LHFPL3: variants seen among roughly 807,000 people sequenced by gnomAD.
LHFPL3 encodes the protein LHFPL tetraspan subfamily member 3, also known as LHFPL tetraspan subfamily member 3 protein.
Under a neutral mutation model 19.3 loss-of-function variants are expected in LHFPL3, and 5 were observed. The ratio of observed to expected loss-of-function variants is 0.26; its 90% CI spans 0.14 to 0.54. LHFPL3 has a LOEUF of 0.54. LHFPL3 is among the 20% of genes least tolerant of loss of function. The pLI, the probability that LHFPL3 is intolerant of heterozygous loss-of-function variation, is 0.94. For missense variants in LHFPL3, 249 were observed against 307.4 expected, an observed-to-expected ratio of 0.81 and a Z score of 1.42; for synonymous variants, 133 against 126.2, an observed-to-expected ratio of 1.05 and a Z score of -0.36.
intron 1 of LHFPL3, among the ~76,000 whole-genome samples, chr7:104,508,195 A>C (rs1479650862): frequency 6.6e-6 from 1 of 152,138 alleles, no homozygotes; most frequent in Non-Finnish European, 1.5e-5. Flanking sequence ...GATCGCAAAC[A>C]CTTGGAACCA....
At chr7:104,714,615 G>A (rs1385347662) in intron 1 of LHFPL3, among the ~76,000 whole-genome samples, 1 of 152,094 alleles carries the variant, frequency 6.6e-6, no homozygotes. Flanking sequence ...GAGGGGATTG[G>A]AGGGAGGAAA....
intron 2 of LHFPL3, among the ~76,000 whole-genome samples, chr7:104,792,267 C>G (rs1790037353): frequency 6.6e-6 from 1 of 152,136 alleles, no homozygotes; most frequent in Admixed American, 6.5e-5. Flanking sequence ...TCCTCGTTAG[C>G]TAGAATGTTG....
intron 1 of LHFPL3, among the ~76,000 whole-genome samples, chr7:104,493,551 T>C (rs1202840621): frequency 6.6e-6 from 1 of 152,078 alleles, no homozygotes; most frequent in Non-Finnish European, 1.5e-5. Context: ...CATTCCCCAC[T>C]TATGTCAGCC....
At chr7:104,469,967 G>A (rs10216054) in intron 1 of LHFPL3, 28,875 of 455,760 alleles carry the variant, frequency 0.063, 1,728 homozygotes, top group East Asian at 0.18. Context: ...ACGGAAATAG[G>A]TGGTTGCGCT....
At chr7:104,534,713 C>T (rs1794362523) in intron 1 of LHFPL3, among the ~76,000 whole-genome samples, 1 of 152,150 alleles carries the variant, frequency 6.6e-6, no homozygotes, top group Admixed American at 6.6e-5. Flanking sequence ...GGTATTTACA[C>T]CTTTAAAGTA....
At chr7:104,468,587 G>C (rs1455475111) in intron 1 of LHFPL3, among the ~76,000 whole-genome samples, 1 of 151,874 alleles carries the variant, frequency 6.6e-6, no homozygotes, top group Non-Finnish European at 1.5e-5. Flanking sequence ...GTTGCATACA[G>C]CATATTTTGG....
chr7:104,618,894 G>T (rs543833438), intron 1 of LHFPL3, among the ~76,000 whole-genome samples: 2 of 152,310 alleles, frequency 1.3e-5, no homozygotes, highest in African/African-American at 4.8e-5. Flanking sequence ...TTAATGATGT[G>T]CAATGCCCTC....
intron 1 of LHFPL3, among the ~76,000 whole-genome samples, chr7:104,485,590 C>T (rs1184499734): frequency 2.6e-5 from 4 of 152,058 alleles, no homozygotes; most frequent in Non-Finnish European, 5.9e-5. Context: ...TCCCTTGATG[C>T]TCTGGAACCA....
At chr7:104,549,110 C>G (rs926116783) in intron 1 of LHFPL3, among the ~76,000 whole-genome samples, 1 of 151,984 alleles carries the variant, frequency 6.6e-6, no homozygotes, top group African/African-American at 2.4e-5. Context: ...AATGAAGGAA[C>G]CTGGTACGCT....
At chr7:104,575,086 T>TAAATGG (rs71155508) in intron 1 of LHFPL3, among the ~76,000 whole-genome samples, 42,851 of 151,776 alleles carry the variant, frequency 0.28, 6,355 homozygotes, top group African/African-American at 0.38. Context: ...GGTTTCTGAG[T>TAAATGG]AAATGGAACA....
intron 2 of LHFPL3, among the ~76,000 whole-genome samples, chr7:104,819,754 G>C (rs929788076): frequency 6.6e-6 from 1 of 152,106 alleles, no homozygotes; most frequent in East Asian, 1.9e-4. Flanking sequence ...TGATATGTGC[G>C]TACTTTAACA....
intron 1 of LHFPL3, among the ~76,000 whole-genome samples, chr7:104,522,337 T>C (rs1490694755): frequency 7.5e-6 from 1 of 133,688 alleles, no homozygotes; most frequent in Admixed American, 9.2e-5. Context: ...AATTGAACAA[T>C]GAGAACACAT....
At chr7:104,881,498 G>A (rs1792056495) in intron 2 of LHFPL3, among the ~76,000 whole-genome samples, 1 of 152,140 alleles carries the variant, frequency 6.6e-6, no homozygotes, top group African/African-American at 2.4e-5. Context: ...AATTAGAAGT[G>A]GAGCCTGAAG....
intron 1 of LHFPL3, among the ~76,000 whole-genome samples, chr7:104,437,453 G>T (rs991401407): frequency 3.3e-5 from 5 of 152,078 alleles, no homozygotes; most frequent in African/African-American, 1.2e-4. Context: ...ATTCAATTCT[G>T]ACACTAAGCA....
chr7:104,575,300 T>G (rs181937438), intron 1 of LHFPL3, among the ~76,000 whole-genome samples: 2 of 152,250 alleles, frequency 1.3e-5, no homozygotes, highest in Admixed American at 1.3e-4. Context: ...TCTCCCTTGC[T>G]TCTAAGAATT....
At chr7:104,467,211 G>T (rs1792806686) in intron 1 of LHFPL3, among the ~76,000 whole-genome samples, 2 of 152,112 alleles carry the variant, frequency 1.3e-5, no homozygotes, top group Admixed American at 1.3e-4. Flanking sequence ...AAAAATGGGA[G>T]CGGGGCTGGT....
At chr7:104,417,886 T>TCTTC (rs1554391171) in intron 1 of LHFPL3, among the ~76,000 whole-genome samples, 12 of 67,554 alleles carry the variant, frequency 1.8e-4, no homozygotes, top group African/African-American at 6.6e-4. Flanking sequence ...TTCTTCTTCT[T>TCTTC]TTTTTTTTTT....
intron 1 of LHFPL3, among the ~76,000 whole-genome samples, chr7:104,430,456 T>TATATATA (rs1562895386): frequency 7.1e-4 from 8 of 11,194 alleles, no homozygotes; most frequent in African/African-American, 2.8e-3. Context: ...ATATATATAT[T>TATATATA]TTTTTTTTTT....
chr7:104,496,757 A>C (rs778004856), intron 1 of LHFPL3, among the ~76,000 whole-genome samples: 1 of 152,186 alleles, frequency 6.6e-6, no homozygotes, highest in Non-Finnish European at 1.5e-5. Flanking sequence ...AATATAATGA[A>C]ATGAAGCCCC....
Sources: allele counts gnomAD v4.1 joint callset (sites outside exome capture counted in the v4.1 genomes callset), GRCh38; gene constraint gnomAD v4.1.1; transcripts MANE v1.5; gene names NCBI Gene and HGNC (gene_info 2026-07-23, HGNC 2026-07-21).